Variants in BUB1B observed in about 807,000 individuals in gnomAD.
The protein encoded by BUB1B is mitotic checkpoint serine/threonine-protein kinase BUB1 beta.
In BUB1B, 86 loss-of-function variants were observed where a neutral mutation model predicts 137.7. The observed-to-expected ratio is 0.62, with a 90% CI of 0.52 to 0.75. The LOEUF (loss-of-function observed/expected upper bound fraction) is 0.75. Ranked by LOEUF, BUB1B falls within the 30% of genes least tolerant of loss-of-function variation. The pLI, the probability that BUB1B is intolerant of heterozygous loss-of-function variation, is 0.00. For missense variants in BUB1B, 1,130 were observed against 1,236.9 expected (o/e 0.91, Z 1.30); for synonymous variants, 420 against 417.9 (o/e 1.00, Z -0.06).
intron 5 of BUB1B, 83 bp from the exon 6 acceptor site, chr15:40,183,631 T>C: frequency 1.5e-6 from 2 of 1,297,672 alleles, no homozygotes; most frequent in Non-Finnish European, 2.2e-6. Flanking sequence ...CTCTTCTAAT[T>C]TGTTTACTTT....
At chr15:40,206,078 T>G in intron 14 of BUB1B, 106 bp from the exon 15 acceptor site, 1 of 1,153,074 alleles carries the variant, frequency 8.7e-7, no homozygotes, top group Non-Finnish European at 1.3e-6. Context: ...TATTCTGATA[T>G]GCTATTTCTG....
chr15:40,192,867 T>A (rs1475536607), intron 8 of BUB1B, among the ~76,000 whole-genome samples: 1 of 152,196 alleles, frequency 6.6e-6, no homozygotes, highest in Non-Finnish European at 1.5e-5. Context: ...CAGGTTTGTT[T>A]GTTTTAAATA....
intron 4 of BUB1B, among the ~76,000 whole-genome samples, chr15:40,172,660 T>G (rs1195071847): frequency 6.7e-6 from 1 of 149,802 alleles, no homozygotes; most frequent in Non-Finnish European, 1.5e-5. Context: ...TGGAAGAAAA[T>G]CTGTATATGT....
chr15:40,220,963 T>G lies in BUB1B; in HGVS notation c.*204T>G. On this transcript the variant is annotated 3_prime_UTR_variant, in exon 23 of 23. Transcript: ENST00000287598. ...TACTCATGGCCTTGTCTAACTTTTG[T>G]GAAGAACTATTTTATTCTAAACAGA... The G allele has an allele frequency of 1.6e-6, 1 of 614,510 alleles. No homozygotes were observed. The highest frequency in any genetic ancestry group is 2.9e-6 in the Non-Finnish European group (1 of 345,828). The allele number at this position is 614,510 out of a possible 1,614,324, so 38.1% of individuals were successfully genotyped here. A position where few individuals can be genotyped will look rare whatever the true frequency, so the allele number is the denominator to read the frequency against.
At chr15:40,171,189 G>C (rs2037158067) in intron 4 of BUB1B, among the ~76,000 whole-genome samples, 1 of 152,094 alleles carries the variant, frequency 6.6e-6, no homozygotes, top group South Asian at 2.1e-4. Context: ...CTCCCACCTT[G>C]GCCTCCCAAA....
At position 40,220,574 on chromosome 15, in the gene BUB1B, G is replaced by A; in HGVS notation, c.2968G>A (p.Gly990Ser). 1 of 1,614,082 alleles carries A rather than the reference G, an allele frequency of 6.2e-7. No individual in the cohort carries two copies. Among genetic ancestry groups the A allele is most frequent in the East Asian group, 2.2e-5 (1 of 44,882 alleles). ...LSQNISELKD[G>S]ELWNKFFVRI... is the part of the protein sequence containing the mutation. ...TTTATATATTTTTAGGCTAAAAGATGGTGAATTGTGGAATAAATTCTTTGT... is the reference window on the plus strand; with the variant it reads ...TTTATATATTTTTAGGCTAAAAGATAGTGAATTGTGGAATAAATTCTTTGT... The change falls in exon 23 of 23, where the codon GGT (glycine) becomes AGT (serine). Residue 990 changes from glycine to serine, a missense_variant. By Grantham distance (56) the Gly-to-Ser change is moderately conservative. Transcript: ENST00000287598.
At chr15:40,188,235 A>G (rs1484644259) in intron 8 of BUB1B, among the ~76,000 whole-genome samples, 1 of 151,940 alleles carries the variant, frequency 6.6e-6, no homozygotes, top group Non-Finnish European at 1.5e-5. Context: ...TTTAGTAGAG[A>G]CAGGGTTTCA....
At chr15:40,173,190 C>T (rs1401667109) in intron 4 of BUB1B, among the ~76,000 whole-genome samples, 6 of 150,504 alleles carry the variant, frequency 4.0e-5, no homozygotes, top group Non-Finnish European at 8.8e-5. Flanking sequence ...GAGGCTGAGG[C>T]AGGAGAATCG....
chr15:40,212,082 G>T (rs544095280), intron 18 of BUB1B, among the ~76,000 whole-genome samples: 1 of 152,188 alleles, frequency 6.6e-6, no homozygotes, highest in Non-Finnish European at 1.5e-5. Flanking sequence ...TAATCCACAC[G>T]CCTCAGCCTC....
In BUB1B at chr15:40,206,458, G is replaced by A; in HGVS notation, c.2009G>A (p.Ser670Asn). 2 of 1,614,124 alleles carry A rather than the reference G, an allele frequency of 1.2e-6. No homozygotes were observed. The highest frequency in any genetic ancestry group is 1.7e-6 in the Non-Finnish European group (2 of 1,180,028). ...YSQTLSIKKL[S>N]PIIEDSREAT... is the part of the protein sequence containing the mutation. Reference sequence around the variant, plus strand: ...CAGACTCTCAGCATCAAGAAGCTGAGGTGATTGGGGATTTACAGGTTTTAC... The same window carrying A: ...CAGACTCTCAGCATCAAGAAGCTGAAGTGATTGGGGATTTACAGGTTTTAC... The change falls in exon 15 of 23, where the codon AGC (serine) becomes AAC (asparagine). Residue 670 changes from serine to asparagine, a missense_variant and splice_region_variant. Ser to Asn is a conservative substitution (Grantham distance 46, BLOSUM62 1). Coordinates refer to ENST00000287598, the MANE Select transcript of BUB1B (RefSeq NM_001211.6).
chr15:40,196,650 G>C lies in BUB1B; in HGVS notation c.1164G>C (p.Ala388=), dbSNP rs1047130. ...PLQRVQSHQQ[A]SEEKKEKMMY... is the part of the protein sequence containing the mutation. ...AAAGGGTTCAGAGCCATCAGCAAGC[G>C]TCTGAGGAGAAGAAAGAGAAGATGA... The change falls in exon 9 of 23, where the codon GCG becomes GCC. Residue 388 remains alanine, a synonymous_variant. Transcript: ENST00000287598. 6.2e-7 allele frequency: 1 copy of C among 1,613,786 alleles called. No individual in the cohort carries two copies. Among genetic ancestry groups the C allele is most frequent in the Non-Finnish European group, 8.5e-7 (1 of 1,179,842 alleles).
At position 40,216,586 on chromosome 15, in the gene BUB1B, T is replaced by TA. The variant is rs1555383941; in HGVS notation, c.2679-908dup. Among the ~76,000 whole-genome samples, 291 of 141,072 alleles carry TA rather than the reference T, an allele frequency of 2.1e-3. 8 individuals carry two copies. The East Asian group carries it at 0.042, about 21-fold the overall frequency. 92.5% of individuals were successfully genotyped at this position (141,072 alleles called of 152,430 possible). A position where few individuals can be genotyped will look rare whatever the true frequency, so the allele number is the denominator to read the frequency against. ...ATATATATATATTTTTTTTTTTTTT[T>TA]AATTATAGTATAGTTTTATGGTGGC... On this transcript the variant is annotated intron_variant, in intron 20 of 22. Coordinates refer to ENST00000287598, the MANE Select transcript of BUB1B (RefSeq NM_001211.6).
In BUB1B at chr15:40,185,396, C is replaced by T; in HGVS notation, c.966+17C>T. ...GAACACAGGGTAAGGACTCTTAGAT[C>T]CAGTGCTTTGCTGACACAACAAAGA... On this transcript the variant is annotated intron_variant, in intron 7 of 22. Transcript: ENST00000287598. 6.2e-7 allele frequency: 1 copy of T among 1,612,834 alleles called. No homozygotes were observed. Among genetic ancestry groups the T allele is most frequent in the Non-Finnish European group, 8.5e-7 (1 of 1,179,128 alleles).
intron 22 of BUB1B, among the ~76,000 whole-genome samples, 199 bp downstream of exon 22, chr15:40,218,761 C>A (rs571273751): frequency 1.3e-5 from 2 of 152,344 alleles, no homozygotes; most frequent in South Asian, 4.1e-4. Context: ...AGATTCAAAA[C>A]TATTCAGACT....
chr15:40,184,009 G>C, intron 6 of BUB1B, 126 bp downstream of exon 6: 1 of 973,286 alleles, frequency 1.0e-6, no homozygotes, highest in Non-Finnish European at 1.6e-6. Context: ...CAAAAAGAAG[G>C]AAGTCAAAGG....
Position 40,190,208 on chromosome 15 carries a change from T to C in BUB1B, c.1058+4566T>C, listed in dbSNP as rs181043645. 2.6e-3 allele frequency among the ~76,000 whole-genome samples: 396 copies of C among 152,344 alleles called. 6 individuals carry two copies. Among genetic ancestry groups the C allele is most frequent in the South Asian group, 0.023 (112 of 4,830 alleles). On this transcript the variant is annotated intron_variant, in intron 8 of 22. Transcript: ENST00000287598. ...TTTGAGGTATGACAGCAAAACTAAC[T>C]TTTTTTCCTTCTTCACAATTTCACT...
rs181401285 is a variant in BUB1B at position 40,202,372 on chromosome 15, C to T, written c.1568-33C>T. 45 of 1,545,656 alleles carry T rather than the reference C, an allele frequency of 2.9e-5. No individual in the cohort carries two copies. In the East Asian group the frequency reaches 8.3e-4, roughly 29 times the overall value. On this transcript the variant is annotated intron_variant, in intron 12 of 22. Transcript: ENST00000287598. The stretch of plus-strand genomic sequence containing the variant: ...TGTCTTGAAGAGTAAAGCATTTACT[C>T]CTAGAGTATGTATCTAGTCTCTCTT...
chr15:40,186,430 C>CTTTTTTTTTTTTTTTTT (rs769074759), intron 8 of BUB1B, among the ~76,000 whole-genome samples: 1 of 67,358 alleles, frequency 1.5e-5, no homozygotes. Flanking sequence ...TTGCCTAGTT[C>CTTTTTTTTTTTTTTTTT]TTTTTTTTTT....
chr15:40,220,682 A>C lies in BUB1B; in HGVS notation c.3076A>C (p.Thr1026Pro). The C allele has an allele frequency of 1.2e-6, 2 of 1,614,242 alleles. No homozygotes were observed. Among genetic ancestry groups the C allele is most frequent in the Non-Finnish European group, 1.7e-6 (2 of 1,180,042 alleles). The stretch of plus-strand genomic sequence containing the variant: ...AGAAATGAATGGGGTTTTTGACACT[A>C]CATTCCAAAGTCACCTGAACAAAGC... ...AAEMNGVFDT[T>P]FQSHLNKALW... Residue 1026 changes from threonine to proline, a missense_variant, in exon 23 of 23, where the codon ACA becomes CCA. Physicochemically the swap from Thr to Pro is conservative, Grantham distance 38. Coordinates refer to ENST00000287598, the MANE Select transcript of BUB1B (RefSeq NM_001211.6).
Sources: gnomAD v4.1 joint callset for allele counts (sites outside exome capture counted in the v4.1 genomes callset) on GRCh38, gnomAD v4.1.1 for gene constraint, MANE v1.5 for transcripts, NCBI Gene and HGNC (gene_info 2026-07-23, HGNC 2026-07-21) for gene names.